The following CCDC88C variants were observed in gnomAD, a reference collection of about 807,000 sequenced individuals.
The protein encoded by CCDC88C is coiled-coil and HOOK domain protein 88C, also known as protein Daple.
A neutral mutation model predicts 198.8 loss-of-function variants in CCDC88C; 131 were observed. The observed-to-expected ratio is 0.66, with a 90% confidence interval of 0.57 to 0.76. The LOEUF (loss-of-function observed/expected upper bound fraction) is 0.76. CCDC88C is among the 30% of genes least tolerant of loss of function. The pLI, the probability that CCDC88C is intolerant of heterozygous loss-of-function variation, is 0.00. For synonymous variants in CCDC88C, 1,166 were observed against 1,114.7 expected, an observed-to-expected ratio of 1.05 and a Z score of -0.92; for missense variants, 2,553 against 2,631.6, an observed-to-expected ratio of 0.97 and a Z score of 0.65.
intron 3 of CCDC88C, among the ~76,000 whole-genome samples, chr14:91,389,985 T>C (rs950395080): frequency 3.4e-4 from 52 of 150,820 alleles, no homozygotes; most frequent in Non-Finnish European, 5.7e-4. Context: ...GGCAGGAGAA[T>C]GGCGTGAACC....
chr14:91,287,350 G>A (rs1044240409), intron 25 of CCDC88C, among the ~76,000 whole-genome samples: 10 of 152,202 alleles, frequency 6.6e-5, no homozygotes, highest in Non-Finnish European at 1.5e-4. Flanking sequence ...AACAATGTGC[G>A]TGAACATTAT....
chr14:91,416,189 C>A (rs61988444), intron 2 of CCDC88C, among the ~76,000 whole-genome samples: 23,584 of 152,206 alleles, frequency 0.15, 2,308 homozygotes, highest in Non-Finnish European at 0.23. Flanking sequence ...CAAACAGCAC[C>A]ATGGGACCCT....
chr14:91,288,545 GA>G lies in CCDC88C; in HGVS notation c.4441+559del, dbSNP rs1890518242. 6.6e-6 allele frequency among the ~76,000 whole-genome samples: 1 copy of G among 152,214 alleles called. No individual in the cohort carries two copies. The highest frequency in any genetic ancestry group is 1.5e-5 in the Non-Finnish European group (1 of 68,042). On this transcript the variant is annotated intron_variant, in intron 25 of 29. Transcript: ENST00000389857. This position sits in a 1 kb window ranked among gnomAD's most constrained non-coding sequence, Gnocchi z 4.2. ...TCGCTTGTCTCTATGGTACCTGCAC[GA>G]ATGTCAGCTTTGGATATTGAGATAT...
Position 91,294,203 on chromosome 14 carries a change from T to A in CCDC88C, c.4082A>T (p.Glu1361Val), listed in dbSNP as rs1366605129. The A allele has an allele frequency of 1.2e-6, 2 of 1,613,904 alleles. No individual in the cohort carries two copies. The highest frequency in any genetic ancestry group is 2.7e-5 in the African/African-American group (2 of 74,932). The part of the protein sequence containing the change: ...MLLEQNMENK[E>V]QYHEEQKQYI... ...CTGCTTCTGCTCCTCATGGTACTGC[T>A]CCTTGTTCTCCATGTTCTGCTCCAG... The change falls in exon 23 of 30, where the codon GAG becomes GTG. Residue 1361 changes from glutamate to valine, a missense_variant. Glu to Val is a moderately radical substitution (Grantham distance 121, BLOSUM62 -2). This residue lies in a region of CCDC88C where 1,293 missense variants were observed against 1,219.6 expected (regional missense o/e 1.06). Coordinates refer to ENST00000389857, the MANE Select transcript of CCDC88C (RefSeq NM_001080414.4).
intron 25 of CCDC88C, chr14:91,285,816 G>A (rs1195116513): frequency 2.3e-6 from 3 of 1,288,860 alleles, no homozygotes; most frequent in South Asian, 2.5e-5. Context: ...TTCAAAAAGG[G>A]ACTCTTTTTG....
chr14:91,295,691 G>C (rs1041313210), intron 22 of CCDC88C, among the ~76,000 whole-genome samples: 12 of 152,282 alleles, frequency 7.9e-5, no homozygotes, highest in African/African-American at 2.9e-4. Flanking sequence ...GAGGAGCGGC[G>C]AGCACGGCTC....
At chr14:91,357,101 C>A (rs531027933) in intron 4 of CCDC88C, among the ~76,000 whole-genome samples, 1 of 152,124 alleles carries the variant, frequency 6.6e-6, no homozygotes, top group Non-Finnish European at 1.5e-5. Context: ...GGTTTGGGGG[C>A]GGACAGAGCA....
chr14:91,397,318 C>A (rs1885904656), intron 3 of CCDC88C, among the ~76,000 whole-genome samples: 1 of 152,198 alleles, frequency 6.6e-6, no homozygotes, highest in South Asian at 2.1e-4. Flanking sequence ...CTGAGCCAAA[C>A]CTCCTTCCCG....
chr14:91,312,589 G>A (rs751172515), intron 15 of CCDC88C, among the ~76,000 whole-genome samples: 4 of 152,168 alleles, frequency 2.6e-5, no homozygotes, highest in Admixed American at 2.0e-4. Flanking sequence ...GGATGCTGAG[G>A]CACAAGAATC....
rs1465295442 is a variant in CCDC88C, at chr14:91,321,181, A to G, written c.1466T>C (p.Leu489Ser). The G allele has an allele frequency of 4.3e-6, 7 of 1,613,068 alleles. No individual in the cohort carries two copies. Among genetic ancestry groups the G allele is most frequent in the Admixed American group, 3.3e-5 (2 of 59,924 alleles). The change falls in exon 13 of 30, where the codon TTG becomes TCG. Residue 489 changes from leucine to serine, a missense_variant. This residue lies in a region of CCDC88C where 1,260 missense variants were observed against 1,412.0 expected (regional missense o/e 0.89). Coordinates refer to ENST00000389857, the MANE Select transcript of CCDC88C (RefSeq NM_001080414.4). ...IQGLRDASLVLEESGLKCGEL... is the reference protein window; with the variant it reads ...IQGLRDASLVSEESGLKCGEL... Reference sequence around the variant, plus strand: ...CCCGCACTTGAGGCCGCTCTCCTCCAACACCAGGGACGCGTCCCGCAGCCC... The same window carrying G: ...CCCGCACTTGAGGCCGCTCTCCTCCGACACCAGGGACGCGTCCCGCAGCCC...
intron 3 of CCDC88C, among the ~76,000 whole-genome samples, chr14:91,404,484 T>G (rs1356948948): frequency 6.6e-6 from 1 of 152,146 alleles, no homozygotes; most frequent in Admixed American, 6.5e-5. Context: ...TGCGTCAGAA[T>G]CACCTGGGGG....
chr14:91,324,234 C>G (rs547108215), intron 12 of CCDC88C, among the ~76,000 whole-genome samples: 60 of 152,344 alleles, frequency 3.9e-4, no homozygotes, highest in African/African-American at 1.4e-3. Flanking sequence ...GGCAGCAGAG[C>G]AAGCCCAGGA....
intron 2 of CCDC88C, among the ~76,000 whole-genome samples, chr14:91,411,928 A>G (rs1316653829): frequency 6.7e-6 from 1 of 148,344 alleles, no homozygotes; most frequent in African/African-American, 2.5e-5. Flanking sequence ...AAGCCACTAC[A>G]CTCCAGCCTG....
In CCDC88C at chr14:91,386,213, G is replaced by A. The variant is rs956499542; in HGVS notation, c.270+22446C>T. The stretch of plus-strand genomic sequence containing the variant: ...AATCCCAGCACTTTGGGAGGCCGAG[G>A]TGGGTGGATCACTTGAGGACAGGAG... On this transcript the variant is annotated intron_variant, in intron 3 of 29. Coordinates refer to ENST00000389857, the MANE Select transcript of CCDC88C (RefSeq NM_001080414.4). Among the ~76,000 whole-genome samples the A allele has an allele frequency of 7.9e-5, 12 of 151,464 alleles. No individual in the cohort carries two copies. In the South Asian group the frequency reaches 2.1e-3, roughly 26 times the overall value.
At chr14:91,316,840 G>A (rs1047233417) in intron 13 of CCDC88C, among the ~76,000 whole-genome samples, 3 of 152,168 alleles carry the variant, frequency 2.0e-5, no homozygotes, top group African/African-American at 2.4e-5. Flanking sequence ...GTCCATCCCC[G>A]AAGAAGACCT....
chr14:91,308,743 A>G (rs1283791318), intron 16 of CCDC88C, among the ~76,000 whole-genome samples: 1 of 152,224 alleles, frequency 6.6e-6, no homozygotes, highest in East Asian at 1.9e-4. Flanking sequence ...TGTCTGAGGC[A>G]GGAATTATTA....
At chr14:91,344,362 C>T (rs759274922) in intron 4 of CCDC88C, among the ~76,000 whole-genome samples, 1 of 152,094 alleles carries the variant, frequency 6.6e-6, no homozygotes, top group Non-Finnish European at 1.5e-5. Flanking sequence ...CAAACAGACA[C>T]GGGAGGACAG....
At chr14:91,281,250 G>A in intron 27 of CCDC88C, 1 of 1,290,366 alleles carries the variant, frequency 7.7e-7, no homozygotes, top group Non-Finnish European at 1.1e-6. Context: ...GTGATGCTTG[G>A]GAGGTAGCGA....
At chr14:91,281,906 G>A (rs1890213415) in intron 26 of CCDC88C, among the ~76,000 whole-genome samples, 1 of 152,172 alleles carries the variant, frequency 6.6e-6, no homozygotes, top group South Asian at 2.1e-4. Context: ...GCTGTCTTCA[G>A]GTGGTAGGAG....
Sources: gnomAD v4.1 joint callset for allele counts (sites outside exome capture counted in the v4.1 genomes callset) on GRCh38, gnomAD v4.1.1 for gene constraint, gnomAD v4.1.1 regional missense constraint, Gnocchi (gnomAD v3.1) non-coding constraint, MANE v1.5 for transcripts, NCBI Gene and HGNC (gene_info 2026-07-23, HGNC 2026-07-21) for gene names.